Variants in ADARB2 observed in about 807,000 individuals in gnomAD.
The protein encoded by ADARB2 is adenosine deaminase RNA specific B2 (inactive), also known as inactive double-stranded RNA-specific editase B2.
Under a neutral mutation model 62.2 loss-of-function variants are expected in ADARB2, and 25 were observed. The observed-to-expected ratio is 0.40, with a 90% CI of 0.29 to 0.56. The LOEUF (loss-of-function observed/expected upper bound fraction) is 0.56, where lower values mean the gene tolerates loss of function less well. Among genes scored for constraint, ADARB2 ranks in the 20% least tolerant of loss-of-function variants. ADARB2 has a pLI of 0.43. For missense variants in ADARB2, 1,071 were observed against 1,077.4 expected, an observed-to-expected ratio of 0.99 and a Z score of 0.08; for synonymous variants, 572 against 500.8, an observed-to-expected ratio of 1.14 and a Z score of -1.90.
intron 3 of ADARB2, among the ~76,000 whole-genome samples, chr10:1,316,626 A>G (rs1216257074): frequency 2.6e-5 from 4 of 152,240 alleles, no homozygotes; most frequent in African/African-American, 9.6e-5. Flanking sequence ...AGTACTTATT[A>G]GATCACAAAA....
Position 1,665,529 on chromosome 10 carries a change from C to A in ADARB2, c.100+71522G>T, listed in dbSNP as rs557256783. 6.0e-4 allele frequency among the ~76,000 whole-genome samples: 92 copies of A among 152,372 alleles called. 1 individual carries two copies. Among genetic ancestry groups the A allele is most frequent in the Middle Eastern group, 6.8e-3 (2 of 294 alleles). Reference sequence around the variant, plus strand: ...GCCCAGAGAGGGAATCCCCAGGCACCCCACCCAGGCGGTGCATAGACAGTG... The same window carrying A: ...GCCCAGAGAGGGAATCCCCAGGCACACCACCCAGGCGGTGCATAGACAGTG... On this transcript the variant is annotated intron_variant, in intron 1 of 9. Coordinates refer to ENST00000381312, the MANE Select transcript of ADARB2 (RefSeq NM_018702.4).
At chr10:1,633,090 C>T (rs1833863165) in intron 1 of ADARB2, among the ~76,000 whole-genome samples, 1 of 152,110 alleles carries the variant, frequency 6.6e-6, no homozygotes, top group South Asian at 2.1e-4. Flanking sequence ...TCCTGCTTTT[C>T]CTGCTTCTCC....
chr10:1,389,506 A>G (rs1832550815), intron 1 of ADARB2, among the ~76,000 whole-genome samples: 1 of 152,186 alleles, frequency 6.6e-6, no homozygotes, highest in Non-Finnish European at 1.5e-5. Context: ...GGAAGACACT[A>G]CAAAGACATA....
chr10:1,510,125 T>TTTCTTTCTTTCC lies in ADARB2; in HGVS notation c.101-130966_101-130965insGGAAAGAAAGAA, dbSNP rs1831912797. ...CTTTCTTTCTCTCTTTCTTTCTTTCTTTCTTTCTTTCTTTCTTTCTTTCTT... is the reference window on the plus strand; with the variant it reads ...CTTTCTTTCTCTCTTTCTTTCTTTCTTTCTTTCTTTCCTTCTTTCTTTCTTTCTTTCTTTCTT... On this transcript the variant is annotated intron_variant, in intron 1 of 9. Coordinates refer to ENST00000381312, the MANE Select transcript of ADARB2 (RefSeq NM_018702.4). 5.4e-5 allele frequency among the ~76,000 whole-genome samples: 7 copies of TTTCTTTCTTTCC among 130,044 alleles called. No homozygotes were observed. The East Asian group carries it at 1.3e-3, about 24-fold the overall frequency. 85.3% of individuals were successfully genotyped at this position (130,044 alleles called of 152,430 possible). A position where few individuals can be genotyped will look rare whatever the true frequency, so the allele number is the denominator to read the frequency against.
chr10:1,715,208 T>C (rs1835003287), intron 1 of ADARB2, among the ~76,000 whole-genome samples: 1 of 152,212 alleles, frequency 6.6e-6, no homozygotes, highest in Admixed American at 6.5e-5. Context: ...CTTTTTGCCT[T>C]GACTGCCAGG....
chr10:1,737,230 C>A lies in ADARB2; in HGVS notation c.-80G>T, dbSNP rs1035691612. 6 of 1,368,582 alleles carry A rather than the reference C, an allele frequency of 4.4e-6. No individual in the cohort carries two copies. In the African/African-American group the frequency reaches 5.7e-5, roughly 13 times the overall value. 84.8% of individuals were successfully genotyped at this position (1,368,582 alleles called of 1,614,324 possible). A position where few individuals can be genotyped will look rare whatever the true frequency, so the allele number is the denominator to read the frequency against. On this transcript the variant is annotated 5_prime_UTR_variant, in exon 1 of 10. Transcript: ENST00000381312. ...CCTCCTTCCCGGCAGCCGCCGCCGC[C>A]GCTGCTGCGAAGCTTGAGGTTGCAA...
chr10:1,473,660 G>A (rs1397293849), intron 1 of ADARB2, among the ~76,000 whole-genome samples: 1 of 152,180 alleles, frequency 6.6e-6, no homozygotes, highest in Admixed American at 6.5e-5. Flanking sequence ...GGGATTACAG[G>A]CATGAGCTAC....
chr10:1,500,957 C>T (rs949313607), intron 1 of ADARB2, among the ~76,000 whole-genome samples: 1 of 152,214 alleles, frequency 6.6e-6, no homozygotes, highest in African/African-American at 2.4e-5. Flanking sequence ...TCACTGCAAC[C>T]TCCATCTCCC....
chr10:1,302,277 T>C (rs1372164394), intron 3 of ADARB2, among the ~76,000 whole-genome samples: 5 of 152,160 alleles, frequency 3.3e-5, no homozygotes, highest in African/African-American at 1.2e-4. Context: ...GGACGGCACC[T>C]GGAAAATCCG....
At chr10:1,446,749 T>A (rs1269556124) in intron 1 of ADARB2, among the ~76,000 whole-genome samples, 1 of 152,232 alleles carries the variant, frequency 6.6e-6, no homozygotes. Flanking sequence ...AACGTTCTTG[T>A]ATGCAAGTTC....
intron 1 of ADARB2, among the ~76,000 whole-genome samples, chr10:1,580,279 C>T (rs1018447771): frequency 1.3e-5 from 2 of 152,154 alleles, no homozygotes; most frequent in African/African-American, 4.8e-5. Flanking sequence ...TGCCCTCCAC[C>T]ATCAAGCAGG....
chr10:1,210,397 C>G (rs569318269), intron 7 of ADARB2, among the ~76,000 whole-genome samples: 4 of 152,288 alleles, frequency 2.6e-5, no homozygotes, highest in East Asian at 3.9e-4. Flanking sequence ...CAAATATGAC[C>G]ACGGGTTCCC....
Position 1,373,836 on chromosome 10 carries a change from C to T in ADARB2, c.187+5238G>A, listed in dbSNP as rs1264839852. On this transcript the variant is annotated intron_variant, in intron 2 of 9. Coordinates refer to ENST00000381312, the MANE Select transcript of ADARB2 (RefSeq NM_018702.4). ...ACCGCGTGGACTCCGCGCACCCTTC[C>T]TAGTGAAACCGCGTGGGCTCCGCGC... 9.3e-5 allele frequency among the ~76,000 whole-genome samples: 14 copies of T among 150,986 alleles called. No homozygotes were observed. The East Asian group carries it at 1.2e-3, about 13-fold the overall frequency.
intron 3 of ADARB2, among the ~76,000 whole-genome samples, chr10:1,283,903 A>G (rs1831390659): frequency 6.6e-6 from 1 of 152,240 alleles, no homozygotes; most frequent in African/African-American, 2.4e-5. Flanking sequence ...AAATGATCAT[A>G]AAAACTTAGT....
intron 3 of ADARB2, among the ~76,000 whole-genome samples, chr10:1,284,149 C>T (rs1431224387): frequency 2.6e-5 from 4 of 152,128 alleles, no homozygotes; most frequent in Non-Finnish European, 5.9e-5. Context: ...ATTATACCTG[C>T]CAGGGATACA....
chr10:1,316,508 G>T (rs543656865), intron 3 of ADARB2, among the ~76,000 whole-genome samples: 1 of 152,240 alleles, frequency 6.6e-6, no homozygotes, highest in East Asian at 1.9e-4. Context: ...CCCCTTTTTG[G>T]TTTGATCTAA....
At chr10:1,469,662 A>C (rs1033722033) in intron 1 of ADARB2, among the ~76,000 whole-genome samples, 1 of 152,220 alleles carries the variant, frequency 6.6e-6, no homozygotes, top group Non-Finnish European at 1.5e-5. Context: ...AGAACAAAAA[A>C]GAAAACAGTG....
intron 1 of ADARB2, among the ~76,000 whole-genome samples, chr10:1,481,377 C>T (rs185975871): frequency 6.6e-6 from 1 of 152,286 alleles, no homozygotes; most frequent in Admixed American, 6.5e-5. Context: ...GGAAAAGCCT[C>T]ATGACACTGG....
intron 8 of ADARB2, among the ~76,000 whole-genome samples, chr10:1,185,241 C>T (rs896789749): frequency 2.0e-5 from 3 of 152,212 alleles, no homozygotes; most frequent in Admixed American, 1.3e-4. Flanking sequence ...CTCGGGTCCA[C>T]GGCGTCGCTG....
Sources: gnomAD v4.1 joint callset for allele counts (sites outside exome capture counted in the v4.1 genomes callset) on GRCh38, gnomAD v4.1.1 for gene constraint, MANE v1.5 for transcripts, NCBI Gene and HGNC (gene_info 2026-07-23, HGNC 2026-07-21) for gene names.